Variants in TMEM120B observed in about 807,000 individuals in gnomAD.
TMEM120B encodes transmembrane protein 120B.
A neutral mutation model predicts 55.5 loss-of-function variants in TMEM120B; 31 were observed. The ratio of observed to expected loss-of-function variants is 0.56; its 90% CI spans 0.42 to 0.75. The LOEUF (loss-of-function observed/expected upper bound fraction) is 0.75. TMEM120B is among the 30% of genes least tolerant of loss of function. The probability of loss-of-function intolerance (pLI) is 0.00; values close to 1 mark genes in which losing one functional copy is unlikely to be tolerated. For synonymous variants in TMEM120B, 203 were observed against 176.3 expected (o/e 1.15, Z -1.20); for missense variants, 399 against 425.5 (o/e 0.94, Z 0.55).
chr12:121,768,993 A>G (rs892851556), intron 6 of TMEM120B, among the ~76,000 whole-genome samples: 5 of 152,044 alleles, frequency 3.3e-5, no homozygotes, highest in Admixed American at 1.3e-4. Flanking sequence ...TAAAAATACA[A>G]AAATTAGCCA....
chr12:121,717,366 T>C (rs1319901846), intron 1 of TMEM120B, among the ~76,000 whole-genome samples: 4 of 152,182 alleles, frequency 2.6e-5, no homozygotes, highest in Non-Finnish European at 5.9e-5. Flanking sequence ...GCTAATGACA[T>C]GTACATCCGT....
rs1277325495 is a variant in TMEM120B at position 121,743,772 on chromosome 12, C to T, written c.188+25C>T. The T allele has an allele frequency of 5.8e-6, 9 of 1,558,186 alleles. No individual in the cohort carries two copies. In the East Asian group the frequency reaches 9.0e-5, roughly 16 times the overall value. Reference sequence around the variant, plus strand: ...GGTAGGTGCAGCTGTAGCCCGGGGGCTGCCCTGGTTCTGAGGGACAGAAGT... The same window carrying T: ...GGTAGGTGCAGCTGTAGCCCGGGGGTTGCCCTGGTTCTGAGGGACAGAAGT... On this transcript the variant is annotated intron_variant, in intron 2 of 11. Coordinates refer to ENST00000449592, the MANE Select transcript of TMEM120B (RefSeq NM_001080825.2).
chr12:121,734,187 C>A (rs190054007), intron 1 of TMEM120B, among the ~76,000 whole-genome samples: 2 of 151,722 alleles, frequency 1.3e-5, no homozygotes, highest in East Asian at 3.9e-4. Flanking sequence ...ATGTCTGGTG[C>A]CTTTTCTGGG....
chr12:121,779,498 T>C lies in TMEM120B; in HGVS notation c.*3776T>C. The C allele has an allele frequency of 6.2e-7, 1 of 1,611,224 alleles. No individual in the cohort carries two copies. Among genetic ancestry groups the C allele is most frequent in the Non-Finnish European group, 8.5e-7 (1 of 1,179,972 alleles). ...TGTCGTGAGGTCTGTCTGCCCTGGG[T>C]CAGAGCAGCAGGCAGAGCCGGCGCT... On this transcript the variant is annotated 3_prime_UTR_variant, in exon 12 of 12. Transcript: ENST00000449592.
rs767834203 is a variant in TMEM120B at position 121,760,451 on chromosome 12, G to C, written c.462-1198G>C. ...TCTGATTCTTCCCTTGGGGTGGGCT[G>C]TCTGCATGCGCAGTGGCCTGCGAGC... On this transcript the variant is annotated intron_variant, in intron 5 of 11. Coordinates refer to ENST00000449592, the MANE Select transcript of TMEM120B (RefSeq NM_001080825.2). Among the ~76,000 whole-genome samples, 8 of 152,332 alleles carry C rather than the reference G, an allele frequency of 5.3e-5. No homozygotes were observed. In the East Asian group the frequency reaches 7.7e-4, roughly 15 times the overall value.
chr12:121,773,092 A>G (rs996123252), intron 8 of TMEM120B, among the ~76,000 whole-genome samples: 5 of 152,242 alleles, frequency 3.3e-5, no homozygotes, highest in African/African-American at 1.2e-4. Flanking sequence ...AGAGCTCCCA[A>G]CATAGCACTG....
chr12:121,752,473 C>T (rs567351425), intron 5 of TMEM120B, among the ~76,000 whole-genome samples: 5 of 152,314 alleles, frequency 3.3e-5, no homozygotes, highest in African/African-American at 1.2e-4. Flanking sequence ...GAGTTCATTA[C>T]CTGGCGCGGT....
At chr12:121,729,073 A>G (rs528177493) in intron 1 of TMEM120B, among the ~76,000 whole-genome samples, 14 of 152,202 alleles carry the variant, frequency 9.2e-5, no homozygotes, top group Non-Finnish European at 1.2e-4. Flanking sequence ...CCCTGCTTCT[A>G]GCCACATTTC....
At position 121,779,742 on chromosome 12, in the gene TMEM120B, T is replaced by A; in HGVS notation, c.*4020T>A. ...ACCACCTGGTGGGTTTGGGACTGGC[T>A]CTGAGGACTCTGCAGGGATGGAGGC... On this transcript the variant is annotated 3_prime_UTR_variant, in exon 12 of 12. Coordinates refer to ENST00000449592, the MANE Select transcript of TMEM120B (RefSeq NM_001080825.2). The A allele has an allele frequency of 6.8e-7, 1 of 1,461,588 alleles. No individual in the cohort carries two copies. The highest frequency in any genetic ancestry group is 9.4e-7 in the Non-Finnish European group (1 of 1,060,438). 90.5% of individuals were successfully genotyped at this position (1,461,588 alleles called of 1,614,324 possible).
intron 1 of TMEM120B, among the ~76,000 whole-genome samples, chr12:121,721,911 C>T (rs1345781185): frequency 1.4e-5 from 2 of 144,800 alleles, no homozygotes; most frequent in South Asian, 2.2e-4. Flanking sequence ...CGGGTTCAAG[C>T]GATTTTCCTG....
intron 6 of TMEM120B, among the ~76,000 whole-genome samples, chr12:121,766,249 G>A (rs1873844787): frequency 6.6e-6 from 1 of 152,164 alleles, no homozygotes; most frequent in Non-Finnish European, 1.5e-5. Context: ...CCCTCGGTTT[G>A]TGTCTGGTGC....
intron 2 of TMEM120B, among the ~76,000 whole-genome samples, chr12:121,746,000 A>G (rs1189159478): frequency 6.6e-6 from 1 of 151,056 alleles, no homozygotes; most frequent in Non-Finnish European, 1.5e-5. Context: ...AGCTGGGATT[A>G]TAGGGGCCTG....
chr12:121,736,552 C>T (rs538352570), intron 1 of TMEM120B, among the ~76,000 whole-genome samples: 119 of 150,792 alleles, frequency 7.9e-4, no homozygotes, highest in African/African-American at 2.7e-3. Context: ...CCATGCCCGG[C>T]CTTCTTTTTC....
chr12:121,780,740 T>A lies in TMEM120B; in HGVS notation c.*5018T>A. The A allele has an allele frequency of 9.3e-7, 1 of 1,069,530 alleles. No individual in the cohort carries two copies. The highest frequency in any genetic ancestry group is 1.3e-6 in the Non-Finnish European group (1 of 760,962). The allele number at this position is 1,069,530 out of a possible 1,614,324, so 66.3% of individuals were successfully genotyped here. ...GTCCACAGGCCATCAATACTAATAG[T>A]TAAAAATTATTCTTAGAATCTTGCT... On this transcript the variant is annotated 3_prime_UTR_variant, in exon 12 of 12. Transcript: ENST00000449592.
At chr12:121,715,586 G>C (rs1166377170) in intron 1 of TMEM120B, among the ~76,000 whole-genome samples, 1 of 152,134 alleles carries the variant, frequency 6.6e-6, no homozygotes, top group Non-Finnish European at 1.5e-5. Context: ...GATGCCTCCT[G>C]CTCGGTTCAT....
chr12:121,748,814 A>G (rs1873184169), intron 3 of TMEM120B, among the ~76,000 whole-genome samples: 1 of 152,174 alleles, frequency 6.6e-6, no homozygotes, highest in Non-Finnish European at 1.5e-5. Context: ...ATCCTCAACA[A>G]TCTGTGCGTC....
chr12:121,781,166 G>A lies in TMEM120B; in HGVS notation c.*5444G>A. On this transcript the variant is annotated 3_prime_UTR_variant, in exon 12 of 12. Coordinates refer to ENST00000449592, the MANE Select transcript of TMEM120B (RefSeq NM_001080825.2). ...AGGTGGGTGTTCTGGTAGGACAGGG[G>A]CCGCAGCCGGTCATAGTCTTCTTGC... The A allele has an allele frequency of 6.2e-7, 1 of 1,614,226 alleles. No homozygotes were observed. Among genetic ancestry groups the A allele is most frequent in the Non-Finnish European group, 8.5e-7 (1 of 1,180,042 alleles).
chr12:121,716,603 C>A (rs1894708052), intron 1 of TMEM120B, among the ~76,000 whole-genome samples: 1 of 139,998 alleles, frequency 7.1e-6, no homozygotes, highest in African/African-American at 2.7e-5. Context: ...TGCTCTGTCG[C>A]CCAAACTAGA....
intron 2 of TMEM120B, among the ~76,000 whole-genome samples, chr12:121,746,524 G>A (rs1873088741): frequency 6.6e-6 from 1 of 151,946 alleles, no homozygotes; most frequent in Non-Finnish European, 1.5e-5. Flanking sequence ...ATAGAGACGG[G>A]GTCTTGCTAT....
Sources: gnomAD v4.1 joint callset for allele counts (sites outside exome capture counted in the v4.1 genomes callset) on GRCh38, gnomAD v4.1.1 for gene constraint, MANE v1.5 for transcripts, NCBI Gene and HGNC (gene_info 2026-07-23, HGNC 2026-07-21) for gene names.